The following MAST3 variants were observed in gnomAD, a reference collection of about 807,000 sequenced individuals.
The protein encoded by MAST3 is microtubule associated serine/threonine kinase 3.
Under a neutral mutation model 127.0 loss-of-function variants are expected in MAST3, and 43 were observed. The observed-to-expected ratio is 0.34, with a 90% confidence interval of 0.27 to 0.44. MAST3 has a LOEUF of 0.44. MAST3 is among the 20% of genes least tolerant of loss of function. The pLI is 1.00. For missense variants in MAST3, 1,390 were observed against 1,919.1 expected (o/e 0.72, Z 5.15); for synonymous variants, 785 against 809.2 (o/e 0.97, Z 0.51).
chr19:18,134,466 A>G, intron 15 of MAST3, 113 bp from the exon 16 acceptor site: 1 of 1,396,004 alleles, frequency 7.2e-7, no homozygotes, highest in Non-Finnish European at 9.5e-7. Flanking sequence ...GCTAGGGCCC[A>G]GGAGTTGGAG....
In MAST3 at chr19:18,124,683, T is replaced by C. The variant is rs763094573; in HGVS notation, c.987T>C (p.Ala329=). Residue 329 remains alanine (A), a synonymous_variant, in exon 11 of 28, where the codon GCT becomes GCC. Coordinates refer to ENST00000687212, the MANE Select transcript of MAST3 (RefSeq NM_001393504.1). ...PEEFYHLLEA[A]EGHAREGQGI... ...AATTTTACCACCTGCTGGAGGCGGC[T>C]GAGGGCCATGCGCGGGAGGGCCAAG... is the stretch of plus-strand genomic sequence containing the variant. 7 of 1,610,826 alleles carry C rather than the reference T, an allele frequency of 4.3e-6. No homozygotes were observed. The highest frequency in any genetic ancestry group is 1.6e-4 in the Middle Eastern group (1 of 6,064).
chr19:18,144,371 G>A lies in MAST3; in HGVS notation c.2585-95G>A. On this transcript the variant is annotated intron_variant, in intron 22 of 27. Transcript: ENST00000687212. The surrounding 1 kb of genome is among the most constrained non-coding windows in gnomAD (Gnocchi z 4.0). ...TGAGCAAAGGCCAGGAGGCTGGACT[G>A]TGTAAATAGTGACCAGGGAGGAAGG... 3 of 1,074,866 alleles carry A rather than the reference G, an allele frequency of 2.8e-6. No individual in the cohort carries two copies. Among genetic ancestry groups the A allele is most frequent in the East Asian group, 2.6e-5 (1 of 38,824 alleles). The allele number at this position is 1,074,866 out of a possible 1,614,324, so 66.6% of individuals were successfully genotyped here.
intron 3 of MAST3, among the ~76,000 whole-genome samples, chr19:18,111,797 A>G (rs1422725974): frequency 6.6e-6 from 1 of 152,160 alleles, no homozygotes; most frequent in Non-Finnish European, 1.5e-5. Flanking sequence ...GATTACAGGC[A>G]TAAGCCACAC....
In MAST3 at chr19:18,144,723, C is replaced by T; in HGVS notation, c.2812+30C>T. The T allele has an allele frequency of 6.3e-7, 1 of 1,599,160 alleles. No individual in the cohort carries two copies. Among genetic ancestry groups the T allele is most frequent in the Non-Finnish European group, 8.5e-7 (1 of 1,177,116 alleles). On this transcript the variant is annotated intron_variant, in intron 23 of 27. Transcript: ENST00000687212. This position sits in a 1 kb window ranked among gnomAD's most constrained non-coding sequence, Gnocchi z 4.0. ...TGCCCAAGGCCCCTCTCACCTTTGT[C>T]TGTCTGCACCCATTTTCACCAACAG...
chr19:18,141,851 C>T (rs1324250795), intron 20 of MAST3, 31 bp from the exon 21 acceptor site: 18 of 1,375,738 alleles, frequency 1.3e-5, no homozygotes, highest in South Asian at 1.8e-5. Context: ...CCACCGCACC[C>T]GGCTTACCAT....
intron 3 of MAST3, among the ~76,000 whole-genome samples, chr19:18,113,003 C>T (rs1022643967): frequency 6.6e-6 from 1 of 152,136 alleles, no homozygotes; most frequent in Non-Finnish European, 1.5e-5. Context: ...CCAGATCTGA[C>T]TCTGTCTAAA....
intron 3 of MAST3, among the ~76,000 whole-genome samples, chr19:18,117,798 C>A (rs2039447108): frequency 6.6e-6 from 1 of 152,112 alleles, no homozygotes; most frequent in Non-Finnish European, 1.5e-5. Context: ...ACGCCCCGCC[C>A]CCGCCGCCCG....
chr19:18,116,130 A>G (rs273514), intron 3 of MAST3, among the ~76,000 whole-genome samples: 128,238 of 133,166 alleles, frequency 0.96, 61,761 homozygotes, highest in African/African-American at 0.99. Context: ...GTCTCGCTCT[A>G]TCACCCAGGC....
rs564648825 is a variant in MAST3 at position 18,145,344 on chromosome 19, G to A, written c.3039+115G>A. On this transcript the variant is annotated intron_variant, in intron 24 of 27. Transcript: ENST00000687212. This position sits in a 1 kb window ranked among gnomAD's most constrained non-coding sequence, Gnocchi z 5.9. Reference sequence around the variant, plus strand: ...GCAGGGTTAGGTAGATAGAGCTGGTGCCACCGAGTTCATCTCGGTCCCTGT... The same window carrying A: ...GCAGGGTTAGGTAGATAGAGCTGGTACCACCGAGTTCATCTCGGTCCCTGT... 4 of 968,502 alleles carry A rather than the reference G, an allele frequency of 4.1e-6. No homozygotes were observed. In the East Asian group the frequency reaches 7.2e-5, roughly 17 times the overall value. The allele number at this position is 968,502 out of a possible 1,614,324, so 60.0% of individuals were successfully genotyped here.
chr19:18,147,865 C>T (rs1294708552), intron 27 of MAST3, among the ~76,000 whole-genome samples: 1 of 152,158 alleles, frequency 6.6e-6, no homozygotes, highest in Non-Finnish European at 1.5e-5. Flanking sequence ...GGTGGGAAAA[C>T]TGAGAAGAGG....
chr19:18,144,354 G>C lies in MAST3; in HGVS notation c.2585-112G>C. ...AGGAAGAGGGAACTGCATGAGCAAA[G>C]GCCAGGAGGCTGGACTGTGTAAATA... On this transcript the variant is annotated intron_variant, in intron 22 of 27. Transcript: ENST00000687212. This position sits in a 1 kb window ranked among gnomAD's most constrained non-coding sequence, Gnocchi z 4.0. The C allele has an allele frequency of 2.1e-6, 2 of 944,944 alleles. No individual in the cohort carries two copies. The highest frequency in any genetic ancestry group is 3.2e-6 in the Non-Finnish European group (2 of 624,850). The allele number at this position is 944,944 out of a possible 1,614,324, so 58.5% of individuals were successfully genotyped here. A position where few individuals can be genotyped will look rare whatever the true frequency, so the allele number is the denominator to read the frequency against.
At chr19:18,143,150 G>A (rs1399291612) in intron 21 of MAST3, among the ~76,000 whole-genome samples, 1 of 151,546 alleles carries the variant, frequency 6.6e-6, no homozygotes, top group Non-Finnish European at 1.5e-5. Flanking sequence ...AAATTGCAGA[G>A]ATGGGGTCTC....
intron 1 of MAST3, among the ~76,000 whole-genome samples, chr19:18,100,022 A>T (rs1158278627): frequency 6.6e-6 from 1 of 152,038 alleles, no homozygotes; most frequent in Non-Finnish European, 1.5e-5. Flanking sequence ...GCAGGAAGCC[A>T]GGAAGGAGCA....
chr19:18,147,700 A>T, intron 27 of MAST3, 76 bp downstream of exon 27: 2 of 1,074,168 alleles, frequency 1.9e-6, no homozygotes, highest in Non-Finnish European at 1.3e-6. Flanking sequence ...GGGAGGAAGG[A>T]GTTCAGGGGA....
At position 18,139,822 on chromosome 19, in the gene MAST3, T is replaced by C. The variant is rs1377329786; in HGVS notation, c.2205+698T>C. ...CTTTTGTTTTAGCCATTTTTTTTTT[T>C]TCTTTTTTTTTTTTTGAGACAGAGT... On this transcript the variant is annotated intron_variant, in intron 20 of 27. Coordinates refer to ENST00000687212, the MANE Select transcript of MAST3 (RefSeq NM_001393504.1). Among the ~76,000 whole-genome samples, 1,195 of 144,562 alleles carry C rather than the reference T, an allele frequency of 8.3e-3. 47 individuals carry two copies. Among genetic ancestry groups the C allele is most frequent in the African/African-American group, 0.025 (990 of 39,348 alleles). The allele number at this position is 144,562 out of a possible 152,430, so 94.8% of individuals were successfully genotyped here.
intron 1 of MAST3, among the ~76,000 whole-genome samples, chr19:18,104,178 TCAAAAA>T (rs2037870128): frequency 1.7e-5 from 1 of 59,906 alleles, no homozygotes; most frequent in Admixed American, 2.7e-4. Context: ...AGACGCTGTC[TCAAAAA>T]AAAAAAAAAA....
At chr19:18,136,013 C>T (rs1205469241) in intron 18 of MAST3, among the ~76,000 whole-genome samples, 172 bp downstream of exon 18, 1 of 152,158 alleles carries the variant, frequency 6.6e-6, no homozygotes, top group African/African-American at 2.4e-5. Flanking sequence ...GGAACTATCA[C>T]AAGACCTTGG....
At chr19:18,118,129 G>T (rs896602288) in intron 3 of MAST3, 1 of 985,278 alleles carries the variant, frequency 1.0e-6, no homozygotes, top group Non-Finnish European at 1.2e-6. Flanking sequence ...CTCCCTTCCC[G>T]GCCTCGGGCG....
chr19:18,118,606 CA>C (rs1377102631), intron 3 of MAST3, among the ~76,000 whole-genome samples: 1 of 152,190 alleles, frequency 6.6e-6, no homozygotes, highest in African/African-American at 2.4e-5. Context: ...GGGGTCCATT[CA>C]GCAGAAATGT....
Sources: gnomAD v4.1 joint callset for allele counts (sites outside exome capture counted in the v4.1 genomes callset) on GRCh38, gnomAD v4.1.1 for gene constraint, Gnocchi (gnomAD v3.1) non-coding constraint, MANE v1.5 for transcripts, NCBI Gene and HGNC (gene_info 2026-07-23, HGNC 2026-07-21) for gene names.